Variants in MYOM1 observed in about 807,000 individuals in gnomAD.
MYOM1 encodes myomesin-1.
A neutral mutation model predicts 205.3 loss-of-function variants in MYOM1; 164 were observed. The ratio of observed to expected loss-of-function variants is 0.80; its 90% CI spans 0.70 to 0.91. The LOEUF is 0.91. MYOM1 is among the 40% of genes least tolerant of loss of function. The pLI, the probability that MYOM1 is intolerant of heterozygous loss-of-function variation, is 0.00. For synonymous variants in MYOM1, 772 were observed against 789.4 expected (o/e 0.98, Z 0.37); for missense variants, 2,011 against 2,127.3 (o/e 0.95, Z 1.08).
chr18:3,234,775 G>C, the MYOM1 span, among the ~76,000 whole-genome samples: 1 of 151,998 alleles, frequency 6.6e-6, no homozygotes, highest in African/African-American at 2.4e-5. Flanking sequence ...CTTTTACCCT[G>C]CATGTTCTGC....
chr18:3,110,741 T>C (rs202078723), intron 22 of MYOM1, among the ~76,000 whole-genome samples: 2 of 878 alleles, frequency 2.3e-3, no homozygotes, highest in African/African-American at 4.2e-3. Context: ...CTTTTTTTTC[T>C]TTTTTTTTTT....
intron 9 of MYOM1, among the ~76,000 whole-genome samples, chr18:3,167,816 C>T (rs1216200611): frequency 1.3e-5 from 2 of 152,158 alleles, no homozygotes; most frequent in African/African-American, 4.8e-5. Context: ...TATACTTTAA[C>T]CCAAATGGAG....
intron 2 of MYOM1, among the ~76,000 whole-genome samples, chr18:3,199,691 T>C (rs1200367946): frequency 1.3e-5 from 2 of 152,090 alleles, no homozygotes; most frequent in African/African-American, 4.8e-5. Flanking sequence ...AATACAAAAA[T>C]TAGCTAGGCA....
the MYOM1 span, among the ~76,000 whole-genome samples, chr18:3,244,835 G>A: frequency 6.6e-6 from 1 of 151,944 alleles, no homozygotes; most frequent in Non-Finnish European, 1.5e-5. Flanking sequence ...GGAGGCAGAG[G>A]TTGCAGTGAG....
At chr18:3,081,130 C>CAA (rs752878328) in intron 33 of MYOM1, among the ~76,000 whole-genome samples, 2 of 113,930 alleles carry the variant, frequency 1.8e-5, no homozygotes, top group Non-Finnish European at 3.8e-5. Context: ...GACTCCGTCT[C>CAA]AAAAAAAAAA....
intron 21 of MYOM1, among the ~76,000 whole-genome samples, chr18:3,115,464 T>G (rs766042191): frequency 1.4e-4 from 22 of 152,192 alleles, no homozygotes; most frequent in Non-Finnish European, 2.9e-4. Flanking sequence ...TGGCCAGGTA[T>G]ACTTTGAGTA....
the MYOM1 span, among the ~76,000 whole-genome samples, chr18:3,242,713 T>G: frequency 6.6e-6 from 1 of 152,180 alleles, no homozygotes; most frequent in African/African-American, 2.4e-5. Flanking sequence ...TTCACCATGT[T>G]GGCCAGGCTA....
intron 10 of MYOM1, among the ~76,000 whole-genome samples, chr18:3,159,921 CCT>C (rs1491331977): frequency 4.2e-5 from 6 of 141,322 alleles, no homozygotes; most frequent in African/African-American, 1.3e-4. Flanking sequence ...TTCCTTCCTT[CCT>C]TCCTTCCTTC....
intron 10 of MYOM1, among the ~76,000 whole-genome samples, chr18:3,156,085 T>A (rs1169177710): frequency 6.6e-6 from 1 of 152,160 alleles, no homozygotes; most frequent in African/African-American, 2.4e-5. Flanking sequence ...CAGGGCTGTT[T>A]ATAGGAGGGA....
intron 22 of MYOM1, among the ~76,000 whole-genome samples, chr18:3,108,548 A>ATT (rs111380552): frequency 1.3e-4 from 19 of 147,996 alleles, no homozygotes; most frequent in African/African-American, 1.7e-4. Context: ...CAATGACAGC[A>ATT]TTTTTTTTTT....
At chr18:3,147,222 A>T (rs1325319354) in intron 13 of MYOM1, among the ~76,000 whole-genome samples, 2 of 149,860 alleles carry the variant, frequency 1.3e-5, no homozygotes, top group African/African-American at 4.9e-5. Flanking sequence ...AAAAACAGAA[A>T]GGCAGTAAAG....
intron 2 of MYOM1, among the ~76,000 whole-genome samples, chr18:3,200,002 A>C (rs1184095048): frequency 1.3e-5 from 2 of 152,200 alleles, no homozygotes; most frequent in African/African-American, 4.8e-5. Flanking sequence ...TTCCGGCTTA[A>C]AAATGAGAAC....
chr18:3,105,538 C>G (rs1419013016), intron 22 of MYOM1, among the ~76,000 whole-genome samples: 1 of 151,938 alleles, frequency 6.6e-6, no homozygotes, highest in Non-Finnish European at 1.5e-5. Flanking sequence ...AAATTTGGTC[C>G]CAAACCCATG....
chr18:3,222,538 T>C (rs1483929936), upstream of MYOM1, among the ~76,000 whole-genome samples: 1 of 152,242 alleles, frequency 6.6e-6, no homozygotes, highest in Non-Finnish European at 1.5e-5. Flanking sequence ...TTAACAAGGA[T>C]GAAAGTTCAG....
chr18:3,115,233 G>A (rs1346120198), intron 21 of MYOM1, among the ~76,000 whole-genome samples: 2 of 152,150 alleles, frequency 1.3e-5, no homozygotes, highest in Non-Finnish European at 1.5e-5. Flanking sequence ...CTCATGAAAA[G>A]ATGACCTGTC....
Position 3,193,931 on chromosome 18 carries a change from A to G in MYOM1, c.318T>C (p.Asp106=). The G allele has an allele frequency of 6.2e-7, 1 of 1,613,854 alleles. No homozygotes were observed. The highest frequency in any genetic ancestry group is 8.5e-7 in the Non-Finnish European group (1 of 1,179,784). The stretch of plus-strand genomic sequence containing the variant: ...TGGGGCTCAACTTGGATGAATAATC[A>G]TCTAACAGCAGACTGGAATCTGTAA... ...HGLTDSSLLL[D]DYSSKLSPKP... The change falls in exon 3 of 38, where the codon GAT becomes GAC. Residue 106 remains aspartate (D), a synonymous_variant. Transcript: ENST00000356443.
At chr18:3,117,687 A>G (rs1196701982) in intron 20 of MYOM1, among the ~76,000 whole-genome samples, 2 of 151,856 alleles carry the variant, frequency 1.3e-5, no homozygotes, top group African/African-American at 4.8e-5. Flanking sequence ...AACAACTGAC[A>G]TCTAGCCAAC....
intron 19 of MYOM1, among the ~76,000 whole-genome samples, chr18:3,120,853 C>T (rs7239155): frequency 0.76 from 116,352 of 152,108 alleles, 45,296 homozygotes; most frequent in East Asian, 0.94. Flanking sequence ...ATATACATGA[C>T]AAAATAATAA....
At chr18:3,202,372 A>T (rs920806921) in intron 2 of MYOM1, among the ~76,000 whole-genome samples, 1 of 139,896 alleles carries the variant, frequency 7.1e-6, no homozygotes, top group Non-Finnish European at 1.5e-5. Flanking sequence ...AACTCCAAGG[A>T]ACAGGCAGAG....
Sources: gnomAD v4.1 joint callset for allele counts (sites outside exome capture counted in the v4.1 genomes callset) on GRCh38, gnomAD v4.1.1 for gene constraint, MANE v1.5 for transcripts, NCBI Gene and HGNC (gene_info 2026-07-23, HGNC 2026-07-21) for gene names.